The following FBXO8 variants were observed in gnomAD, a reference collection of about 807,000 sequenced individuals.
FBXO8 encodes F-box protein 8.
A neutral mutation model predicts 33.4 loss-of-function variants in FBXO8; 15 were observed. That is an observed-to-expected ratio of 0.45 (90% CI 0.30 to 0.69). The LOEUF is 0.69. Among genes scored for constraint, FBXO8 ranks in the 30% least tolerant of loss-of-function variants. FBXO8 has a pLI of 0.08. For missense variants in FBXO8, 274 were observed against 380.3 expected (o/e 0.72, Z 2.32); for synonymous variants, 132 against 131.5 (o/e 1.00, Z -0.02).
rs115150501 is a variant in FBXO8 at position 174,281,035 on chromosome 4, G to A, written c.-9+2375C>T. 9.6e-3 allele frequency among the ~76,000 whole-genome samples: 1,455 copies of A among 152,134 alleles called. 24 individuals are homozygous for A. Among genetic ancestry groups the A allele is most frequent in the African/African-American group, 0.033 (1,380 of 41,496 alleles). The stretch of plus-strand genomic sequence containing the variant: ...GTTAAGATGGTAAATTTTATGTTAC[G>A]TATATTTTACTACAATTTAAAAATT... On this transcript the variant is annotated intron_variant, in intron 1 of 5. Transcript: ENST00000393674. This position sits in a 1 kb window ranked among gnomAD's most constrained non-coding sequence, Gnocchi z 4.6.
chr4:174,256,159 T>C lies in FBXO8; in HGVS notation c.456+3540A>G. The C allele has an allele frequency of 2.2e-6, 1 of 455,156 alleles. No individual in the cohort carries two copies. Among genetic ancestry groups the C allele is most frequent in the Middle Eastern group, 3.3e-4 (1 of 3,028 alleles). The allele number at this position is 455,156 out of a possible 1,614,324, so 28.2% of individuals were successfully genotyped here. A position where few individuals can be genotyped will look rare whatever the true frequency, so the allele number is the denominator to read the frequency against. On this transcript the variant is annotated intron_variant, in intron 3 of 5. Coordinates refer to ENST00000393674, the MANE Select transcript of FBXO8 (RefSeq NM_012180.3). The surrounding 1 kb of genome is among the most constrained non-coding windows in gnomAD (Gnocchi z 4.6). ...TGTTCCCTGTGGCTGTAAGTATTCT[T>C]ATTTTTATAATATTTTAATGATGTT...
rs1354478979 is a variant in FBXO8 at position 174,282,177 on chromosome 4, A to C, written c.-9+1233T>G. On this transcript the variant is annotated intron_variant, in intron 1 of 5. Transcript: ENST00000393674. ...TAACCTAGCAACAGTAAACACACAAAACATTCCCCATTAAAGTGACCATAT... is the reference window on the plus strand; with the variant it reads ...TAACCTAGCAACAGTAAACACACAACACATTCCCCATTAAAGTGACCATAT... Among the ~76,000 whole-genome samples the C allele has an allele frequency of 2.0e-5, 3 of 152,212 alleles. No homozygotes were observed. In the East Asian group the frequency reaches 5.8e-4, roughly 29 times the overall value.
intron 1 of FBXO8, among the ~76,000 whole-genome samples, chr4:174,264,588 T>C (rs1243735058): frequency 2.0e-5 from 3 of 152,096 alleles, no homozygotes; most frequent in Non-Finnish European, 4.4e-5. Context: ...TCCCCCACCT[T>C]ATATTGCACT....
chr4:174,269,110 A>T (rs987328058), intron 1 of FBXO8: 1 of 152,180 alleles, frequency 6.6e-6, no homozygotes, highest in African/African-American at 2.4e-5. Flanking sequence ...TGTTGAGAGG[A>T]TCTATAGAAT....
At position 174,275,175 on chromosome 4, in the gene FBXO8, G is replaced by A. The variant is rs1736931872; in HGVS notation, c.-9+8235C>T. Among the ~76,000 whole-genome samples the A allele has an allele frequency of 6.6e-6, 1 of 152,120 alleles. No homozygotes were observed. Among genetic ancestry groups the A allele is most frequent in the Admixed American group, 6.6e-5 (1 of 15,264 alleles). On this transcript the variant is annotated intron_variant, in intron 1 of 5. Coordinates refer to ENST00000393674, the MANE Select transcript of FBXO8 (RefSeq NM_012180.3). This position sits in a 1 kb window ranked among gnomAD's most constrained non-coding sequence, Gnocchi z 4.4. Reference sequence around the variant, plus strand: ...TTTCATGAAAGAGGATATACAAATGGCAAATAAGCACATGGTAAGATGGTC... The same window carrying A: ...TTTCATGAAAGAGGATATACAAATGACAAATAAGCACATGGTAAGATGGTC...
rs1050203078 is a variant in FBXO8, at chr4:174,277,953, A to T, written c.-9+5457T>A. The stretch of plus-strand genomic sequence containing the variant: ...ATGTGATATTATTCAATAGCATAAG[A>T]ACATGGGAGAGTCTATGAGAAAATA... On this transcript the variant is annotated intron_variant, in intron 1 of 5. Transcript: ENST00000393674. This position sits in a 1 kb window ranked among gnomAD's most constrained non-coding sequence, Gnocchi z 4.9. Among the ~76,000 whole-genome samples the T allele has an allele frequency of 4.6e-5, 7 of 152,144 alleles. No individual in the cohort carries two copies. The highest frequency in any genetic ancestry group is 8.8e-5 in the Non-Finnish European group (6 of 67,978).
Position 174,272,487 on chromosome 4 carries a change from A to G in FBXO8, c.-8-9387T>C, listed in dbSNP as rs570207093. ...ATTGTGGTTGGATGACACTGGATGC[A>G]GATCCACAAATACTGAGGACCAACT... On this transcript the variant is annotated intron_variant, in intron 1 of 5. Coordinates refer to ENST00000393674, the MANE Select transcript of FBXO8 (RefSeq NM_012180.3). The surrounding 1 kb of genome is among the most constrained non-coding windows in gnomAD (Gnocchi z 4.7). Among the ~76,000 whole-genome samples the G allele has an allele frequency of 2.0e-5, 3 of 152,352 alleles. No individual in the cohort carries two copies. In the East Asian group the frequency reaches 5.8e-4, roughly 29 times the overall value.
In FBXO8 at chr4:174,277,159, A is replaced by C. The variant is rs1274292597; in HGVS notation, c.-9+6251T>G. 6.6e-6 allele frequency among the ~76,000 whole-genome samples: 1 copy of C among 152,154 alleles called. No homozygotes were observed. Among genetic ancestry groups the C allele is most frequent in the Non-Finnish European group, 1.5e-5 (1 of 68,014 alleles). ...TTACACATTTATTAAAATTTATAAG[A>C]ACAATAATAGTTTTCTATACTTTTT... On this transcript the variant is annotated intron_variant, in intron 1 of 5. Coordinates refer to ENST00000393674, the MANE Select transcript of FBXO8 (RefSeq NM_012180.3). This position sits in a 1 kb window ranked among gnomAD's most constrained non-coding sequence, Gnocchi z 4.9.
In FBXO8 at chr4:174,254,251, T is replaced by C. The variant is rs1736367311; in HGVS notation, c.456+5448A>G. ...TCGAGTTTATCTTTCTCTTTCTTTA[T>C]GCTATCTGGCATTGTTTGAAGTATG... On this transcript the variant is annotated intron_variant, in intron 3 of 5. Coordinates refer to ENST00000393674, the MANE Select transcript of FBXO8 (RefSeq NM_012180.3). This position sits in a 1 kb window ranked among gnomAD's most constrained non-coding sequence, Gnocchi z 4.2. Among the ~76,000 whole-genome samples the C allele has an allele frequency of 6.6e-6, 1 of 152,216 alleles. No homozygotes were observed. The highest frequency in any genetic ancestry group is 2.4e-5 in the African/African-American group (1 of 41,464).
chr4:174,240,943 G>A (rs929704646), intron 4 of FBXO8, among the ~76,000 whole-genome samples, 157 bp downstream of exon 4: 4 of 151,628 alleles, frequency 2.6e-5, no homozygotes, highest in East Asian at 3.9e-4. Flanking sequence ...CAAAGCTCAC[G>A]AAAGAAATGA....
rs906198557 is a variant in FBXO8 at position 174,261,336 on chromosome 4, T to C, written c.329+1428A>G. 2.0e-5 allele frequency among the ~76,000 whole-genome samples: 3 copies of C among 151,844 alleles called. No individual in the cohort carries two copies. The highest frequency in any genetic ancestry group is 4.4e-5 in the Non-Finnish European group (3 of 67,804). On this transcript the variant is annotated intron_variant, in intron 2 of 5. Transcript: ENST00000393674. The surrounding 1 kb of genome is among the most constrained non-coding windows in gnomAD (Gnocchi z 4.1). The stretch of plus-strand genomic sequence containing the variant: ...TTTATTATTAAGGAAAAAATCCAAG[T>C]ATTATAAAAATAGGCATAATTATGG...
chr4:174,282,676 C>T (rs1450859193), intron 1 of FBXO8, among the ~76,000 whole-genome samples: 3 of 151,652 alleles, frequency 2.0e-5, no homozygotes, highest in Admixed American at 2.0e-4. Context: ...TTCACTTTAC[C>T]GTAATAAAAA....
At position 174,257,022 on chromosome 4, in the gene FBXO8, C is replaced by T. The variant is rs1736432112; in HGVS notation, c.456+2677G>A. Among the ~76,000 whole-genome samples, 1 of 152,062 alleles carries T rather than the reference C, an allele frequency of 6.6e-6. No individual in the cohort carries two copies. Among genetic ancestry groups the T allele is most frequent in the Admixed American group, 6.6e-5 (1 of 15,230 alleles). ...TATTTTAATTAATAACTTAAATCCC[C>T]TCCCTTAACAAACATTTGACTTATA... is the stretch of plus-strand genomic sequence containing the variant. On this transcript the variant is annotated intron_variant, in intron 3 of 5. Transcript: ENST00000393674. The surrounding 1 kb of genome is among the most constrained non-coding windows in gnomAD (Gnocchi z 4.3).
rs1391170964 is a variant in FBXO8, at chr4:174,280,832, T to C, written c.-9+2578A>G. Among the ~76,000 whole-genome samples, 3 of 152,144 alleles carry C rather than the reference T, an allele frequency of 2.0e-5. No individual in the cohort carries two copies. The East Asian group carries it at 5.8e-4, about 29-fold the overall frequency. The stretch of plus-strand genomic sequence containing the variant: ...TACAAACACTTCCGGTTTCCAAAAC[T>C]GGAAACAAAAGGTAGAATGGTGATT... On this transcript the variant is annotated intron_variant, in intron 1 of 5. Coordinates refer to ENST00000393674, the MANE Select transcript of FBXO8 (RefSeq NM_012180.3).
intron 5 of FBXO8, among the ~76,000 whole-genome samples, chr4:174,238,439 A>G (rs1327090199): frequency 6.6e-6 from 1 of 151,832 alleles, no homozygotes; most frequent in Non-Finnish European, 1.5e-5. Flanking sequence ...TAATCAGATA[A>G]GCACAATAAA....
chr4:174,258,925 T>G (rs1027727874), intron 3 of FBXO8, among the ~76,000 whole-genome samples: 1 of 152,024 alleles, frequency 6.6e-6, no homozygotes, highest in African/African-American at 2.4e-5. Context: ...TTAGGTAAAT[T>G]AAAATAATGC....
At chr4:174,269,401 T>C (rs1736779224) in intron 1 of FBXO8, among the ~76,000 whole-genome samples, 1 of 151,824 alleles carries the variant, frequency 6.6e-6, no homozygotes, top group Admixed American at 6.6e-5. Context: ...GGTAATAAAA[T>C]GCGGCCAGGA....
intron 4 of FBXO8, among the ~76,000 whole-genome samples, chr4:174,239,863 A>G (rs1254854640): frequency 6.6e-6 from 1 of 151,814 alleles, no homozygotes; most frequent in Non-Finnish European, 1.5e-5. Context: ...TTCAATATAG[A>G]GTCACACTTT....
chr4:174,238,162 G>C (rs1356356800), intron 5 of FBXO8, among the ~76,000 whole-genome samples: 2 of 151,892 alleles, frequency 1.3e-5, no homozygotes, highest in Non-Finnish European at 2.9e-5. Flanking sequence ...TGTTATAAAG[G>C]CCTGTGGAAC....
Sources: allele counts gnomAD v4.1 joint callset (sites outside exome capture counted in the v4.1 genomes callset), GRCh38; gene constraint gnomAD v4.1.1; non-coding constraint Gnocchi (gnomAD v3.1); transcripts MANE v1.5; gene names NCBI Gene and HGNC (gene_info 2026-07-23, HGNC 2026-07-21).